Variants in CETN2 observed in about 807,000 individuals in gnomAD.
CETN2 encodes the protein centrin 2.
CETN2 carries 2 observed loss-of-function variants against 12.6 expected under a neutral mutation model. That is an observed-to-expected ratio of 0.16 (90% CI 0.07 to 0.50). CETN2 has a LOEUF of 0.50. Among genes scored for constraint, CETN2 ranks in the 20% least tolerant of loss-of-function variants. The pLI is 0.96. For missense variants in CETN2, 81 were observed against 128.3 expected (o/e 0.63, Z 1.78); for synonymous variants, 41 against 43.4 (o/e 0.94, Z 0.22).
intron 2 of CETN2, 34 bp downstream of exon 2, chrX:152,829,568 G>T (rs989070779): frequency 5.2e-6 from 6 of 1,160,059 alleles, no homozygotes; most frequent in Non-Finnish European, 6.9e-6. Context: ...CAGAGGAAAG[G>T]AAGGGCAGTA....
In CETN2 at chrX:152,830,695, C is replaced by A; in HGVS notation, c.3+13G>T. 2 of 1,179,287 alleles carry A rather than the reference C, an allele frequency of 1.7e-6. No homozygotes were observed. The highest frequency in any genetic ancestry group is 2.3e-6 in the Non-Finnish European group (2 of 879,591). On this transcript the variant is annotated intron_variant, in intron 1 of 4. Coordinates refer to ENST00000370277, the MANE Select transcript of CETN2 (RefSeq NM_004344.3). ...CCGCTGGGCGTGGGGCGCGACAGAGCGGCAGCACTCACCATAGCCAAAGGA... is the reference window on the plus strand; with the variant it reads ...CCGCTGGGCGTGGGGCGCGACAGAGAGGCAGCACTCACCATAGCCAAAGGA...
In CETN2 at chrX:152,827,064, A is replaced by G. The variant is rs1932960972; in HGVS notation, c.*777T>C. On this transcript the variant is annotated 3_prime_UTR_variant, in exon 5 of 5. Transcript: ENST00000370277. Reference sequence around the variant, plus strand: ...TTTATTCAAGCACAAATTACTAACAAGACTCTTTTCCAGTCTTAGCTTTGC... The same window carrying G: ...TTTATTCAAGCACAAATTACTAACAGGACTCTTTTCCAGTCTTAGCTTTGC... The G allele has an allele frequency of 8.9e-6, 1 of 112,457 alleles. No homozygotes were observed. The highest frequency in any genetic ancestry group is 3.7e-4 in the South Asian group (1 of 2,719). The allele number at this position is 112,457 out of a possible 1,213,427, so 9.3% of individuals were successfully genotyped here.
Position 152,828,696 on chromosome X carries a change from C to T in CETN2, c.292-22G>A, listed in dbSNP as rs782800775. 7 of 1,194,891 alleles carry T rather than the reference C, an allele frequency of 5.9e-6. No homozygotes were observed. In the South Asian group the frequency reaches 1.3e-4, roughly 22 times the overall value. On this transcript the variant is annotated intron_variant, in intron 3 of 4. Coordinates refer to ENST00000370277, the MANE Select transcript of CETN2 (RefSeq NM_004344.3). The stretch of plus-strand genomic sequence containing the variant: ...CAGACTTAACAAGTAGAACATAAAA[C>T]ACATGAGTAGGGGGACACCACGGTT...
At position 152,828,552 on chromosome X, in the gene CETN2, A is replaced by G; in HGVS notation, c.414T>C (p.Thr138=). 8.3e-7 allele frequency: 1 copy of G among 1,210,487 alleles called. No homozygotes were observed. Among genetic ancestry groups the G allele is most frequent in the African/African-American group, 1.7e-5 (1 of 57,803 alleles). Residue 138 remains threonine (T), a synonymous_variant, in exon 4 of 5, where the codon ACT becomes ACC. Transcript: ENST00000370277. ...RVAKELGENL[T]DEELQEMIDE... is the part of the protein sequence containing the mutation. ...CATTACAAACCTGCAGCTCCTCATC[A>G]GTCAGGTTCTCACCCAACTCCTTGG...
At chrX:152,830,683 G>GAC in intron 1 of CETN2, 25 bp downstream of exon 1, 2 of 1,178,398 alleles carry the variant, frequency 1.7e-6, no homozygotes, top group Middle Eastern at 2.9e-4. Context: ...CTGGGCGTGG[G>GAC]GCGCGACAGA....
intron 2 of CETN2, 29 bp downstream of exon 2, chrX:152,829,573 G>A: frequency 8.6e-7 from 1 of 1,164,249 alleles, no homozygotes. Flanking sequence ...GAAAGGAAGG[G>A]CAGTACGGCA....
chrX:152,829,934 T>C (rs1932987821), intron 1 of CETN2, among the ~76,000 whole-genome samples, 174 bp from the exon 2 acceptor site: 1 of 112,273 alleles, frequency 8.9e-6, no homozygotes, highest in Non-Finnish European at 1.9e-5. Context: ...AATCTTTCCA[T>C]GAACTTCTAC....
At chrX:152,828,889 C>T (rs1932975149) in intron 3 of CETN2, 2 of 435,751 alleles carry the variant, frequency 4.6e-6, no homozygotes, top group Non-Finnish European at 7.8e-6. Context: ...TGCTACCTAT[C>T]GCTATATCTC....
At chrX:152,829,577 T>C in intron 2 of CETN2, 25 bp downstream of exon 2, 1 of 1,172,001 alleles carries the variant, frequency 8.5e-7, no homozygotes, top group African/African-American at 1.8e-5. Context: ...GGAAGGGCAG[T>C]ACGGCAGGAA....
chrX:152,828,600 C>A lies in CETN2; in HGVS notation c.366G>T (p.Ser122=). ...LFDDDETGKI[S]FKNLKRVAKE... is the part of the protein sequence containing the mutation. ...TGGCCACGCGTTTCAGATTTTTGAA[C>A]GAAATCTTCCCAGTTTCATCATCAT... The change falls in exon 4 of 5, where the codon TCG becomes TCT. Residue 122 remains serine (S), a synonymous_variant. Coordinates refer to ENST00000370277, the MANE Select transcript of CETN2 (RefSeq NM_004344.3). The A allele has an allele frequency of 8.3e-7, 1 of 1,210,352 alleles. No homozygotes were observed. Among genetic ancestry groups the A allele is most frequent in the Non-Finnish European group, 1.1e-6 (1 of 894,354 alleles).
chrX:152,830,672 G>A, intron 1 of CETN2, 36 bp downstream of exon 1: 2 of 1,173,328 alleles, frequency 1.7e-6, no homozygotes, highest in Non-Finnish European at 2.3e-6. Context: ...GGGCTCAGCC[G>A]CTGGGCGTGG....
At position 152,828,996 on chromosome X, in the gene CETN2, G is replaced by A. The variant is rs1569470165; in HGVS notation, c.291+153C>T. 4.9e-6 allele frequency: 3 copies of A among 616,516 alleles called. No individual in the cohort carries two copies. In the East Asian group the frequency reaches 1.0e-4, roughly 21 times the overall value. 50.8% of individuals were successfully genotyped at this position (616,516 alleles called of 1,213,427 possible). ...GAAAGAAGCACAAGGGCTTGTTTTG[G>A]GAGCCCAAAGTAACATGATGGGAGG... is the stretch of plus-strand genomic sequence containing the variant. On this transcript the variant is annotated intron_variant, in intron 3 of 4. Coordinates refer to ENST00000370277, the MANE Select transcript of CETN2 (RefSeq NM_004344.3).
chrX:152,830,041 A>G (rs1932989160), intron 1 of CETN2, among the ~76,000 whole-genome samples: 1 of 111,377 alleles, frequency 9.0e-6, no homozygotes, highest in South Asian at 3.7e-4. Context: ...AGAGCCAGTC[A>G]AGAAGATGAC....
Position 152,827,746 on chromosome X carries a change from G to T in CETN2, c.*95C>A. 1.4e-6 allele frequency: 1 copy of T among 740,102 alleles called. No individual in the cohort carries two copies. The highest frequency in any genetic ancestry group is 2.1e-6 in the Non-Finnish European group (1 of 479,982). 61.0% of individuals were successfully genotyped at this position (740,102 alleles called of 1,213,427 possible). On this transcript the variant is annotated 3_prime_UTR_variant, in exon 5 of 5. Coordinates refer to ENST00000370277, the MANE Select transcript of CETN2 (RefSeq NM_004344.3). ...TAAAGTGATAAAGGGAGGTCCGTGG[G>T]GGAAAAGTTTGTGTTCTCAAAAGCC...
In CETN2 at chrX:152,829,208, T is replaced by C; in HGVS notation, c.232A>G (p.Lys78Glu). 1 of 1,206,964 alleles carries C rather than the reference T, an allele frequency of 8.3e-7. No homozygotes were observed. Among genetic ancestry groups the C allele is most frequent in the Non-Finnish European group, 1.1e-6 (1 of 893,818 alleles). ...EIKKMISEID[K>E]EGTGKMNFGD... Reference sequence around the variant, plus strand: ...AAGTTCATTTTTCCTGTCCCTTCCTTATCAATTTCACTTATCATTTTCTTA... The same window carrying C: ...AAGTTCATTTTTCCTGTCCCTTCCTCATCAATTTCACTTATCATTTTCTTA... Residue 78 changes from lysine (K) to glutamate (E), a missense_variant, in exon 3 of 5, where the codon AAG (lysine) becomes GAG (glutamate). By Grantham distance (56) the Lys-to-Glu change is moderately conservative. Coordinates refer to ENST00000370277, the MANE Select transcript of CETN2 (RefSeq NM_004344.3).
intron 3 of CETN2, 25 bp from the exon 4 acceptor site, chrX:152,828,699 A>G (rs1411862257): frequency 8.4e-7 from 1 of 1,191,749 alleles, no homozygotes; most frequent in Admixed American, 2.2e-5. Flanking sequence ...CATAAAACAC[A>G]TGAGTAGGGG....
In CETN2 at chrX:152,829,712, T is replaced by C. The variant is rs782610968; in HGVS notation, c.52A>G (p.Arg18Gly). 1.7e-6 allele frequency: 2 copies of C among 1,205,804 alleles called. No homozygotes were observed. The highest frequency in any genetic ancestry group is 1.8e-5 in the South Asian group (1 of 56,042). The change falls in exon 2 of 5, where the codon AGA (arginine) becomes GGA (glycine). Residue 18 changes from arginine to glycine, a missense_variant. By Grantham distance (125) the Arg-to-Gly change is moderately radical. Coordinates refer to ENST00000370277, the MANE Select transcript of CETN2 (RefSeq NM_004344.3). Reference protein sequence around the residue: ...ANMASSSQRKRMSPKPELTEE... With the variant: ...ANMASSSQRKGMSPKPELTEE... ...GTAAGCTCAGGCTTAGGGCTCATTC[T>C]TTTTCGCTGAGAACTTGATGCCATG...
At chrX:152,830,542 C>T (rs1932995510) in intron 1 of CETN2, among the ~76,000 whole-genome samples, 166 bp downstream of exon 1, 1 of 112,762 alleles carries the variant, frequency 8.9e-6, no homozygotes, top group Admixed American at 9.3e-5. Context: ...AAGCGCAGGC[C>T]CAGTAGGTTG....
intron 1 of CETN2, among the ~76,000 whole-genome samples, chrX:152,830,460 G>A (rs1050152715): frequency 2.7e-5 from 3 of 113,197 alleles, no homozygotes; most frequent in Admixed American, 1.8e-4. Flanking sequence ...GTTCACCGAG[G>A]GGATCAGGGA....
Sources: allele counts gnomAD v4.1 joint callset (sites outside exome capture counted in the v4.1 genomes callset), GRCh38; gene constraint gnomAD v4.1.1; transcripts MANE v1.5; gene names NCBI Gene and HGNC (gene_info 2026-07-23, HGNC 2026-07-21).